The following LMBR1 variants were observed in gnomAD, a reference collection of about 807,000 sequenced individuals.
LMBR1 encodes limb region 1 protein homolog.
In LMBR1, 52 loss-of-function variants were observed where a neutral mutation model predicts 73.9. The ratio of observed to expected loss-of-function variants is 0.70; its 90% CI spans 0.56 to 0.89. The LOEUF (loss-of-function observed/expected upper bound fraction) is 0.89, where lower values mean the gene tolerates loss of function less well. LMBR1 is among the 40% of genes least tolerant of loss of function. LMBR1 has a pLI of 0.00. For synonymous variants in LMBR1, 215 were observed against 209.4 expected, an observed-to-expected ratio of 1.03 and a Z score of -0.23; for missense variants, 539 against 579.8, an observed-to-expected ratio of 0.93 and a Z score of 0.72.
chr7:156,735,151 A>T (rs916087219), intron 9 of LMBR1, among the ~76,000 whole-genome samples: 2 of 152,224 alleles, frequency 1.3e-5, no homozygotes, highest in African/African-American at 2.4e-5. Flanking sequence ...CCCAAAACTT[A>T]GATTGCTGAG....
intron 5 of LMBR1, among the ~76,000 whole-genome samples, chr7:156,788,876 C>T (rs1370737975): frequency 6.6e-6 from 1 of 151,944 alleles, no homozygotes; most frequent in Non-Finnish European, 1.5e-5. Context: ...GGTGAAACCT[C>T]GTCTCTATTA....
chr7:156,736,469 T>C (rs184814684), intron 9 of LMBR1: 10 of 456,100 alleles, frequency 2.2e-5, no homozygotes, highest in Middle Eastern at 3.3e-4. Flanking sequence ...AGCATGCACA[T>C]AGCTCAAAGT....
At chr7:156,754,422 T>C (rs1442390181) in intron 9 of LMBR1, among the ~76,000 whole-genome samples, 1 of 152,168 alleles carries the variant, frequency 6.6e-6, no homozygotes, top group Non-Finnish European at 1.5e-5. Flanking sequence ...CATGTTTTTT[T>C]GCATTAACGG....
At chr7:156,804,032 T>C (rs1831528564) in intron 4 of LMBR1, among the ~76,000 whole-genome samples, 1 of 150,020 alleles carries the variant, frequency 6.7e-6, no homozygotes, top group Non-Finnish European at 1.5e-5. Flanking sequence ...TTAGGAGATA[T>C]ACCTAATGCT....
At chr7:156,888,252 T>C (rs1802269566) in intron 1 of LMBR1, among the ~76,000 whole-genome samples, 1 of 151,332 alleles carries the variant, frequency 6.6e-6, no homozygotes, top group Admixed American at 6.6e-5. Context: ...CTACTAAAAA[T>C]ACAAAAAGTT....
intron 15 of LMBR1, among the ~76,000 whole-genome samples, chr7:156,721,207 A>C (rs1239331521): frequency 6.6e-6 from 1 of 152,124 alleles, no homozygotes; most frequent in African/African-American, 2.4e-5. Context: ...GATGAAAAAT[A>C]ACTGTAAAAA....
chr7:156,756,903 G>C (rs545117517), intron 8 of LMBR1, among the ~76,000 whole-genome samples: 1 of 152,228 alleles, frequency 6.6e-6, no homozygotes, highest in East Asian at 1.9e-4. Context: ...TGCAACCTCT[G>C]CCTCCCGGGG....
At chr7:156,876,409 C>T (rs1023087633) in intron 1 of LMBR1, among the ~76,000 whole-genome samples, 1 of 152,108 alleles carries the variant, frequency 6.6e-6, no homozygotes. Flanking sequence ...CTAAACAGGT[C>T]ATCAAGACAG....
At chr7:156,761,207 G>A (rs1306043311) in intron 8 of LMBR1, among the ~76,000 whole-genome samples, 1 of 152,198 alleles carries the variant, frequency 6.6e-6, no homozygotes, top group African/African-American at 2.4e-5. Flanking sequence ...TTTGTAACAT[G>A]TAAGTAGTTT....
chr7:156,865,830 T>C (rs1437251755), intron 1 of LMBR1, among the ~76,000 whole-genome samples: 1 of 151,742 alleles, frequency 6.6e-6, no homozygotes, highest in African/African-American at 2.4e-5. Context: ...CAGTTGGGGG[T>C]ATGGGGGAAA....
intron 4 of LMBR1, among the ~76,000 whole-genome samples, chr7:156,809,139 T>A (rs1430012903): frequency 1.3e-5 from 2 of 152,214 alleles, no homozygotes; most frequent in Non-Finnish European, 2.9e-5. Context: ...TAAGATATAT[T>A]CCCTCGGGTT....
chr7:156,814,060 T>C (rs772815313), intron 4 of LMBR1, among the ~76,000 whole-genome samples: 11 of 152,270 alleles, frequency 7.2e-5, no homozygotes, highest in South Asian at 2.1e-4. Flanking sequence ...AAGAATAAGA[T>C]ACAGAGCAGA....
chr7:156,724,941 C>T (rs76906719), intron 14 of LMBR1, among the ~76,000 whole-genome samples: 4,010 of 152,274 alleles, frequency 0.026, 179 homozygotes, highest in African/African-American at 0.092. Context: ...TATACGGCAA[C>T]AGCCTTTTTA....
At chr7:156,672,702 A>C (rs549314259) in intron 4 of LMBR1, among the ~76,000 whole-genome samples, 9 of 152,208 alleles carry the variant, frequency 5.9e-5, no homozygotes, top group Non-Finnish European at 1.3e-4. Flanking sequence ...GTGACACTGT[A>C]ACATAAATGC....
At chr7:156,757,248 A>T (rs1822070656) in intron 8 of LMBR1, among the ~76,000 whole-genome samples, 1 of 152,244 alleles carries the variant, frequency 6.6e-6, no homozygotes, top group South Asian at 2.1e-4. Context: ...TCTCATTTAC[A>T]TTTACCTACA....
intron 4 of LMBR1, among the ~76,000 whole-genome samples, chr7:156,805,976 T>C (rs1424924830): frequency 6.6e-6 from 1 of 152,088 alleles, no homozygotes; most frequent in East Asian, 1.9e-4. Context: ...AAGAATAGGG[T>C]CCTCATCAAG....
intron 15 of LMBR1, among the ~76,000 whole-genome samples, chr7:156,692,693 T>C (rs1807472697): frequency 6.6e-6 from 1 of 152,094 alleles, no homozygotes; most frequent in Non-Finnish European, 1.5e-5. Context: ...TCCAGCCATC[T>C]CCCTAAGTTC....
Position 156,701,327 on chromosome 7 carries a change from A to C in LMBR1, c.1226-13136T>G, listed in dbSNP as rs371507731. Among the ~76,000 whole-genome samples the C allele has an allele frequency of 1.7e-3, 258 of 152,358 alleles. 3 individuals are homozygous for C. Among genetic ancestry groups the C allele is most frequent in the Non-Finnish European group, 4.6e-4 (31 of 68,026 alleles). Reference sequence around the variant, plus strand: ...CTTCCAATGGGTGAACAGATAAACAAATTGTGATATATACATACAAGAGAG... The same window carrying C: ...CTTCCAATGGGTGAACAGATAAACACATTGTGATATATACATACAAGAGAG... On this transcript the variant is annotated intron_variant, in intron 15 of 16. Transcript: ENST00000353442.
At chr7:156,737,067 C>G (rs1293395317) in intron 9 of LMBR1, among the ~76,000 whole-genome samples, 1 of 152,144 alleles carries the variant, frequency 6.6e-6, no homozygotes, top group Non-Finnish European at 1.5e-5. Flanking sequence ...TTGTTTCCTA[C>G]GCAGCCCGTA....
Sources: gnomAD v4.1 joint callset for allele counts (sites outside exome capture counted in the v4.1 genomes callset) on GRCh38, gnomAD v4.1.1 for gene constraint, MANE v1.5 for transcripts, NCBI Gene and HGNC (gene_info 2026-07-23, HGNC 2026-07-21) for gene names.